Variants in EPN2 observed in about 807,000 individuals in gnomAD.
EPN2 encodes epsin 2.
A neutral mutation model predicts 61.7 loss-of-function variants in EPN2; 34 were observed. The ratio of observed to expected loss-of-function variants is 0.55; its 90% CI spans 0.42 to 0.73. The LOEUF (loss-of-function observed/expected upper bound fraction) is 0.73. Ranked by LOEUF, EPN2 falls within the 30% of genes least tolerant of loss-of-function variation. The pLI is 0.00. For synonymous variants in EPN2, 349 were observed against 353.6 expected (o/e 0.99, Z 0.15); for missense variants, 714 against 839.2 (o/e 0.85, Z 1.84).
intron 4 of EPN2, 55 bp from the exon 5 acceptor site, chr17:19,309,830 C>A: frequency 7.0e-7 from 1 of 1,422,998 alleles, no homozygotes; most frequent in Non-Finnish European, 9.8e-7. Flanking sequence ...AACTGCTGTG[C>A]AGGAGCTGTA....
chr17:19,252,730 C>T (rs1485008516), intron 1 of EPN2, among the ~76,000 whole-genome samples: 1 of 152,140 alleles, frequency 6.6e-6, no homozygotes, highest in Non-Finnish European at 1.5e-5. Context: ...TTGCTCTGGC[C>T]CCAGATTGGA....
chr17:19,281,108 A>G (rs2045354794), intron 1 of EPN2, among the ~76,000 whole-genome samples: 1 of 152,212 alleles, frequency 6.6e-6, no homozygotes, highest in African/African-American at 2.4e-5. Context: ...TTGTGTGTTC[A>G]GCCATCCAGA....
intron 4 of EPN2, among the ~76,000 whole-genome samples, chr17:19,286,785 A>G (rs1216689455): frequency 6.6e-6 from 1 of 152,226 alleles, no homozygotes; most frequent in Non-Finnish European, 1.5e-5. Flanking sequence ...CTAACAGTTT[A>G]TACAGGATTT....
intron 1 of EPN2, among the ~76,000 whole-genome samples, chr17:19,248,778 T>C (rs1258914223): frequency 6.6e-6 from 1 of 152,230 alleles, no homozygotes; most frequent in Non-Finnish European, 1.5e-5. Context: ...CTGCAGATGG[T>C]GGCTCTTGCC....
intron 5 of EPN2, among the ~76,000 whole-genome samples, chr17:19,310,571 C>CTT (rs71155391): frequency 0.22 from 18,050 of 80,480 alleles, 4,243 homozygotes; most frequent in East Asian, 0.45. Context: ...CTCCTTCTTT[C>CTT]TTTTTTTTTT....
intron 9 of EPN2, 108 bp from the exon 10 acceptor site, chr17:19,331,744 TG>T: frequency 1.1e-6 from 1 of 882,268 alleles, no homozygotes; most frequent in Non-Finnish European, 1.9e-6. Context: ...TGTCGTCACG[TG>T]GCGCTGTCAG....
In EPN2 at chr17:19,285,045, A is replaced by T. The variant is rs1383600030; in HGVS notation, c.596-575A>T. 6.6e-6 allele frequency among the ~76,000 whole-genome samples: 1 copy of T among 152,176 alleles called. No homozygotes were observed. Among genetic ancestry groups the T allele is most frequent in the Non-Finnish European group, 1.5e-5 (1 of 68,034 alleles). Reference sequence around the variant, plus strand: ...ATGAAGATTGCCCTTTAAGAAGTGAAATTGTTTTATTTCTCTCAAGGATCC... The same window carrying T: ...ATGAAGATTGCCCTTTAAGAAGTGATATTGTTTTATTTCTCTCAAGGATCC... On this transcript the variant is annotated intron_variant, in intron 3 of 10. Transcript: ENST00000314728. The surrounding 1 kb of genome is among the most constrained non-coding windows in gnomAD (Gnocchi z 4.5).
chr17:19,319,586 C>T (rs1341652519), intron 7 of EPN2, among the ~76,000 whole-genome samples: 3 of 152,090 alleles, frequency 2.0e-5, no homozygotes, highest in Non-Finnish European at 2.9e-5. Context: ...CTGCCTTGGC[C>T]TGCCAAAGTG....
rs912230635 is a variant in EPN2, at chr17:19,255,570, T to A, written c.-294+18039T>A. Among the ~76,000 whole-genome samples, 1,353 of 148,860 alleles carry A rather than the reference T, an allele frequency of 9.1e-3. 9 individuals are homozygous for A. The highest frequency in any genetic ancestry group is 0.014 in the Non-Finnish European group (958 of 67,010). On this transcript the variant is annotated intron_variant, in intron 1 of 10. Coordinates refer to ENST00000314728, the MANE Select transcript of EPN2 (RefSeq NM_014964.5). ...CATCCTCTGGGGAGAGTTTTTTTTT[T>A]TTTTTTTTTTTTAAGTGCCAGTGCT...
intron 4 of EPN2, among the ~76,000 whole-genome samples, chr17:19,288,341 C>T (rs1484296492): frequency 6.6e-6 from 1 of 152,228 alleles, no homozygotes; most frequent in African/African-American, 2.4e-5. Flanking sequence ...CCTCGTGGAG[C>T]TTATATGGTA....
intron 4 of EPN2, among the ~76,000 whole-genome samples, chr17:19,298,692 C>A (rs1055630249): frequency 6.6e-6 from 1 of 152,176 alleles, no homozygotes. Flanking sequence ...AAAGGTTAAA[C>A]CTTTGGCAGC....
At chr17:19,299,620 C>A (rs1361385946) in intron 4 of EPN2, among the ~76,000 whole-genome samples, 1 of 152,270 alleles carries the variant, frequency 6.6e-6, no homozygotes, top group Non-Finnish European at 1.5e-5. Flanking sequence ...ACCCAACAAG[C>A]TGGTGCTCTT....
At chr17:19,253,724 G>A (rs929367093) in intron 1 of EPN2, among the ~76,000 whole-genome samples, 1 of 152,096 alleles carries the variant, frequency 6.6e-6, no homozygotes, top group African/African-American at 2.4e-5. Flanking sequence ...AATTTAACTT[G>A]TCATTGCTTA....
At chr17:19,259,872 T>C (rs1006547360) in intron 1 of EPN2, among the ~76,000 whole-genome samples, 1 of 152,236 alleles carries the variant, frequency 6.6e-6, no homozygotes, top group African/African-American at 2.4e-5. Context: ...CTTACTGCTT[T>C]GGCCTGTGGC....
At chr17:19,329,512 A>G (rs781307010) in intron 8 of EPN2, 49 bp from the exon 9 acceptor site, 28 of 1,231,590 alleles carry the variant, frequency 2.3e-5, no homozygotes, top group Admixed American at 6.9e-5. Context: ...TGGAGTTGCC[A>G]TGAAGTCCTG....
At chr17:19,250,486 T>C (rs1423381336) in intron 1 of EPN2, among the ~76,000 whole-genome samples, 1 of 152,152 alleles carries the variant, frequency 6.6e-6, no homozygotes, top group East Asian at 1.9e-4. Flanking sequence ...GTGGTTATCT[T>C]TGGGAGGCCA....
In EPN2 at chr17:19,243,124, C is replaced by T. The variant is rs117339802; in HGVS notation, c.-294+5593C>T. On this transcript the variant is annotated intron_variant, in intron 1 of 10. Transcript: ENST00000314728. ...TAGACTAGCCTTGTTTCTCAAACTCCTGTGTGCAGCAGAAGCACCCAGAGG... is the reference window on the plus strand; with the variant it reads ...TAGACTAGCCTTGTTTCTCAAACTCTTGTGTGCAGCAGAAGCACCCAGAGG... Among the ~76,000 whole-genome samples the T allele has an allele frequency of 6.5e-3, 984 of 152,186 alleles. 52 individuals are homozygous for T. The East Asian group carries it at 0.12, about 18-fold the overall frequency.
intron 1 of EPN2, among the ~76,000 whole-genome samples, chr17:19,259,294 T>G (rs1294848093): frequency 6.6e-6 from 1 of 151,628 alleles, no homozygotes; most frequent in Non-Finnish European, 1.5e-5. Context: ...TCTGGCATCT[T>G]TTGAGTGTTG....
At chr17:19,254,887 A>T (rs148087038) in intron 1 of EPN2, among the ~76,000 whole-genome samples, 1 of 152,220 alleles carries the variant, frequency 6.6e-6, no homozygotes, top group African/African-American at 2.4e-5. Context: ...CGACATAGGC[A>T]AAGAGTCTGT....
Sources: gnomAD v4.1 joint callset for allele counts (sites outside exome capture counted in the v4.1 genomes callset) on GRCh38, gnomAD v4.1.1 for gene constraint, Gnocchi (gnomAD v3.1) non-coding constraint, MANE v1.5 for transcripts, NCBI Gene and HGNC (gene_info 2026-07-23, HGNC 2026-07-21) for gene names.